KRT12: variants seen among roughly 807,000 people sequenced by gnomAD.
The protein encoded by KRT12 is keratin 12.
KRT12 carries 43 observed loss-of-function variants against 50.2 expected under a neutral mutation model. That is an observed-to-expected ratio of 0.86 (90% confidence interval 0.67 to 1.11). KRT12 has a LOEUF of 1.11. Ranked by LOEUF, KRT12 falls within the 50% of genes least tolerant of loss-of-function variation. The pLI is 0.00. For synonymous variants in KRT12, 257 were observed against 253.6 expected, an observed-to-expected ratio of 1.01 and a Z score of -0.13; for missense variants, 588 against 625.6, an observed-to-expected ratio of 0.94 and a Z score of 0.64.
At chr17:40,866,023 C>G (rs1907003500) in intron 2 of KRT12, 132 bp downstream of exon 2, 1 of 725,198 alleles carries the variant, frequency 1.4e-6, no homozygotes, top group Non-Finnish European at 2.5e-6. Flanking sequence ...CTAGAACACC[C>G]TATGTGAATT....
intron 1 of KRT12, 98 bp from the exon 2 acceptor site, chr17:40,866,335 T>A (rs1242601254): frequency 3.2e-6 from 3 of 943,426 alleles, no homozygotes; most frequent in Non-Finnish European, 5.1e-6. Flanking sequence ...TGATATTAAA[T>A]GCTGTTTTAT....
rs1906885646 is a variant in KRT12, at chr17:40,863,542, G to A, written c.1038C>T (p.Thr346=). The A allele has an allele frequency of 6.2e-7, 1 of 1,614,236 alleles. No homozygotes were observed. Among genetic ancestry groups the A allele is most frequent in the Non-Finnish European group, 8.5e-7 (1 of 1,180,044 alleles). The part of the protein sequence containing the change: ...EQLQSSKSEV[T]DLRRAFQNLE... ...GGTTCTGAAAGGCGCGACGCAGGTCGGTGACCTCGCTCTTGCTGGACTGAA... is the reference window on the plus strand; with the variant it reads ...GGTTCTGAAAGGCGCGACGCAGGTCAGTGACCTCGCTCTTGCTGGACTGAA... The change falls in exon 5 of 8, where the codon ACC becomes ACT. Residue 346 remains threonine, a synonymous_variant. Transcript: ENST00000251643. The surrounding 1 kb of genome is among the most constrained non-coding windows in gnomAD (Gnocchi z 4.2).
Position 40,863,386 on chromosome 17 carries a change from G to C in KRT12, c.1096-43C>G. The stretch of plus-strand genomic sequence containing the variant: ...ATGGCATAGAAATAACGATGGAGGG[G>C]ACCGAAAAGAGGAGGGTAGCCAACG... On this transcript the variant is annotated intron_variant, in intron 5 of 7. Coordinates refer to ENST00000251643, the MANE Select transcript of KRT12 (RefSeq NM_000223.4). This position sits in a 1 kb window ranked among gnomAD's most constrained non-coding sequence, Gnocchi z 4.2. 1 of 1,612,832 alleles carries C rather than the reference G, an allele frequency of 6.2e-7. No homozygotes were observed. Among genetic ancestry groups the C allele is most frequent in the Non-Finnish European group, 8.5e-7 (1 of 1,178,920 alleles).
chr17:40,866,975 C>G lies in KRT12; in HGVS notation c.212G>C (p.Gly71Ala), dbSNP rs771841418. The G allele has an allele frequency of 1.9e-6, 3 of 1,596,984 alleles. No individual in the cohort carries two copies. Among genetic ancestry groups the G allele is most frequent in the Non-Finnish European group, 2.6e-6 (3 of 1,172,362 alleles). The change falls in exon 1 of 8, where the codon GGT becomes GCT. Residue 71 changes from glycine (G) to alanine (A), a missense_variant. Coordinates refer to ENST00000251643, the MANE Select transcript of KRT12 (RefSeq NM_000223.4). Reference sequence around the variant, plus strand: ...TCCTGCCATGGAACTTCCGGAGCCACCCCCAAAGCCGGAACTAGAACCAAA... The same window carrying G: ...TCCTGCCATGGAACTTCCGGAGCCAGCCCCAAAGCCGGAACTAGAACCAAA... Reference protein sequence around the residue: ...SMFGSSSGFGGGSGSSMAGGL... With the variant: ...SMFGSSSGFGAGSGSSMAGGL...
rs373922617 is a variant in KRT12, at chr17:40,863,311, G to A, written c.1128C>T (p.Ala376=). Residue 376 remains alanine (A), a synonymous_variant, in exon 6 of 8, where the codon GCC becomes GCT. Transcript: ENST00000251643. The surrounding 1 kb of genome is among the most constrained non-coding windows in gnomAD (Gnocchi z 4.2). ...ACAGCTGCGCGCAGTAATCGCCCTC[G>A]GCTTCGGCCAAGGAGTCCTCCAGGG... The part of the protein sequence containing the change: ...KKSLEDSLAE[A]EGDYCAQLSQ... 2.5e-6 allele frequency: 4 copies of A among 1,613,942 alleles called. No homozygotes were observed. The highest frequency in any genetic ancestry group is 2.5e-6 in the Non-Finnish European group (3 of 1,179,988).
chr17:40,863,952 C>CGACACACACACACA lies in KRT12; in HGVS notation c.808-89_808-88insTGTGTGTGTGTGTC. 1 of 341,042 alleles carries CGACACACACACACA rather than the reference C, an allele frequency of 2.9e-6. No homozygotes were observed. 21.1% of individuals were successfully genotyped at this position (341,042 alleles called of 1,614,324 possible). On this transcript the variant is annotated intron_variant, in intron 3 of 7. Coordinates refer to ENST00000251643, the MANE Select transcript of KRT12 (RefSeq NM_000223.4). This position sits in a 1 kb window ranked among gnomAD's most constrained non-coding sequence, Gnocchi z 4.2. ...TACTTTTGTCCTCTTGGGCCCCTTC[C>CGACACACACACACA]TACACACACACACACACACACACAC...
rs549261317 is a variant in KRT12 at position 40,864,282 on chromosome 17, T to C, written c.808-418A>G. ...CAAACCGAGGGCTGCAGACAGTACC[T>C]GGGCTTGCACGCTGTTTGTGCCACA... On this transcript the variant is annotated intron_variant, in intron 3 of 7. Transcript: ENST00000251643. Among the ~76,000 whole-genome samples, 190 of 152,200 alleles carry C rather than the reference T, an allele frequency of 1.2e-3. 2 individuals are homozygous for C. Among genetic ancestry groups the C allele is most frequent in the Middle Eastern group, 0.01 (3 of 294 alleles).
At chr17:40,862,857 CTT>C (rs939112792) in intron 6 of KRT12, among the ~76,000 whole-genome samples, 43 of 152,282 alleles carry the variant, frequency 2.8e-4, no homozygotes, top group African/African-American at 1.0e-3. Context: ...GAGTAAGTGA[CTT>C]TTATAGTACA....
rs748407699 is a variant in KRT12, at chr17:40,863,290, C to A, written c.1149G>T (p.Gln383His). 6 of 1,614,010 alleles carry A rather than the reference C, an allele frequency of 3.7e-6. No individual in the cohort carries two copies. The highest frequency in any genetic ancestry group is 4.2e-6 in the Non-Finnish European group (5 of 1,179,998). The change falls in exon 6 of 8, where the codon CAG becomes CAT. Residue 383 changes from glutamine to histidine, a missense_variant. Physicochemically the swap from Gln to His is conservative, Grantham distance 24 (BLOSUM62 0). Transcript: ENST00000251643. The surrounding 1 kb of genome is among the most constrained non-coding windows in gnomAD (Gnocchi z 4.2). ...TGATGAGCTGCTGCACCTGGGACAGCTGCGCGCAGTAATCGCCCTCGGCTT... is the reference window on the plus strand; with the variant it reads ...TGATGAGCTGCTGCACCTGGGACAGATGCGCGCAGTAATCGCCCTCGGCTT... ...LAEAEGDYCA[Q>H]LSQVQQLISN... is the part of the protein sequence containing the mutation.
rs1336402571 is a variant in KRT12 at position 40,866,219 on chromosome 17, C to T, written c.586G>A (p.Gly196Arg). 13 of 1,613,950 alleles carry T rather than the reference C, an allele frequency of 8.1e-6. No homozygotes were observed. The highest frequency in any genetic ancestry group is 1.1e-5 in the Non-Finnish European group (13 of 1,179,982). Residue 196 changes from glycine to arginine, a missense_variant, in exon 2 of 8, where the codon GGA becomes AGA. Physicochemically the swap from Gly to Arg is moderately radical, Grantham distance 125. Transcript: ENST00000251643. The part of the protein sequence containing the change: ...LRNKIISASI[G>R]NAQLLLQIDN... Reference sequence around the variant, plus strand: ...ATCTGCAAGAGGAGCTGGGCATTTCCAATGCTGGCTGAAATGATCTGGCAA... The same window carrying T: ...ATCTGCAAGAGGAGCTGGGCATTTCTAATGCTGGCTGAAATGATCTGGCAA...
rs368116028 is a variant in KRT12, at chr17:40,864,940, G to T, written c.673C>A (p.Arg225Ser). The T allele has an allele frequency of 1.9e-6, 3 of 1,614,234 alleles. No homozygotes were observed. The highest frequency in any genetic ancestry group is 1.7e-5 in the Admixed American group (1 of 60,028). Residue 225 changes from arginine (R) to serine (S), a missense_variant, in exon 3 of 8, where the codon CGC (arginine) becomes AGC (serine). Arg to Ser is a moderately radical substitution (Grantham distance 110). Transcript: ENST00000251643. ...RMKYENELALRQGVEADINGL... is the reference protein window; with the variant it reads ...RMKYENELALSQGVEADINGL... Reference sequence around the variant, plus strand: ...TTGATGTCGGCCTCTACGCCCTGGCGCAGGGCCAGTTCATTCTCATACCTG... The same window carrying T: ...TTGATGTCGGCCTCTACGCCCTGGCTCAGGGCCAGTTCATTCTCATACCTG...
At chr17:40,865,530 G>C (rs958049264) in intron 2 of KRT12, among the ~76,000 whole-genome samples, 4 of 152,168 alleles carry the variant, frequency 2.6e-5, no homozygotes, top group Non-Finnish European at 5.9e-5. Context: ...ATTAGTACAT[G>C]GTTAATCTTT....
At position 40,863,029 on chromosome 17, in the gene KRT12, G is replaced by C. The variant is rs1332425303; in HGVS notation, c.1316+94C>G. 5 of 1,067,734 alleles carry C rather than the reference G, an allele frequency of 4.7e-6. No homozygotes were observed. Among genetic ancestry groups the C allele is most frequent in the East Asian group, 2.4e-5 (1 of 40,846 alleles). The allele number at this position is 1,067,734 out of a possible 1,614,324, so 66.1% of individuals were successfully genotyped here. ...TTACTAGACTTGTGTTTGTTTGTTT[G>C]CTTTTCTGTCAACTAAAACCCCATT... On this transcript the variant is annotated intron_variant, in intron 6 of 7. Coordinates refer to ENST00000251643, the MANE Select transcript of KRT12 (RefSeq NM_000223.4). This position sits in a 1 kb window ranked among gnomAD's most constrained non-coding sequence, Gnocchi z 4.2.
chr17:40,865,039 C>G, intron 2 of KRT12, 77 bp from the exon 3 acceptor site: 1 of 1,499,976 alleles, frequency 6.7e-7, no homozygotes, highest in Non-Finnish European at 9.3e-7. Context: ...AGGGCTATTT[C>G]TTGCTTAAAT....
At chr17:40,866,103 G>C (rs1209074301) in intron 2 of KRT12, 52 bp downstream of exon 2, 6 of 1,338,512 alleles carry the variant, frequency 4.5e-6, no homozygotes, top group African/African-American at 2.9e-5. Context: ...CAGGACAGTA[G>C]GACAGAAGAC....
At chr17:40,862,510 G>C (rs929905021) in intron 7 of KRT12, 55 bp downstream of exon 7, 34 of 1,162,082 alleles carry the variant, frequency 2.9e-5, no homozygotes, top group Non-Finnish European at 4.3e-5. Context: ...TACAGGTTTT[G>C]CATTAATAAA....
intron 3 of KRT12, among the ~76,000 whole-genome samples, chr17:40,864,140 C>G (rs1906921259): frequency 6.6e-6 from 1 of 152,134 alleles, no homozygotes; most frequent in South Asian, 2.1e-4. Context: ...ACCACAGACC[C>G]TGGGAGCAGT....
intron 1 of KRT12, 122 bp from the exon 2 acceptor site, chr17:40,866,359 C>A (rs1361149969): frequency 2.4e-6 from 2 of 829,400 alleles, no homozygotes; most frequent in Admixed American, 4.1e-5. Flanking sequence ...GAGTTTAAGA[C>A]AGTTTCATTT....
At position 40,861,438 on chromosome 17, in the gene KRT12, T is replaced by A. The variant is rs1307455681; in HGVS notation, c.*223A>T. Reference sequence around the variant, plus strand: ...ACTCCAGGTCCAGAAGGATATAAGGTAATTTTGATTTGTTACAAAGACCAA... The same window carrying A: ...ACTCCAGGTCCAGAAGGATATAAGGAAATTTTGATTTGTTACAAAGACCAA... On this transcript the variant is annotated 3_prime_UTR_variant, in exon 8 of 8. Transcript: ENST00000251643. The A allele has an allele frequency of 1.7e-6, 1 of 579,856 alleles. No individual in the cohort carries two copies. The highest frequency in any genetic ancestry group is 3.1e-6 in the Non-Finnish European group (1 of 325,818). 35.9% of individuals were successfully genotyped at this position (579,856 alleles called of 1,614,324 possible).
Sources: allele counts gnomAD v4.1 joint callset (sites outside exome capture counted in the v4.1 genomes callset), GRCh38; gene constraint gnomAD v4.1.1; non-coding constraint Gnocchi (gnomAD v3.1); transcripts MANE v1.5; gene names NCBI Gene and HGNC (gene_info 2026-07-23, HGNC 2026-07-21).